Variants in DLG2 observed in about 807,000 individuals in gnomAD.
DLG2 encodes the protein discs large MAGUK scaffold protein 2.
Under a neutral mutation model 132.5 loss-of-function variants are expected in DLG2, and 45 were observed. That is an observed-to-expected ratio of 0.34 (90% CI 0.27 to 0.44). DLG2 has a LOEUF of 0.44. DLG2 is among the 20% of genes least tolerant of loss of function. DLG2 has a pLI of 1.00. For synonymous variants in DLG2, 424 were observed against 419.6 expected, an observed-to-expected ratio of 1.01 and a Z score of -0.13; for missense variants, 1,045 against 1,196.9, an observed-to-expected ratio of 0.87 and a Z score of 1.87.
intron 15 of DLG2, among the ~76,000 whole-genome samples, chr11:83,911,935 T>C (rs2076138424): frequency 6.6e-6 from 1 of 152,036 alleles, no homozygotes; most frequent in African/African-American, 2.4e-5. Context: ...TACAGATAAC[T>C]TGTTAATTCC....
intron 6 of DLG2, among the ~76,000 whole-genome samples, chr11:84,850,224 C>CT (rs2082015264): frequency 6.6e-6 from 1 of 152,096 alleles, no homozygotes; most frequent in Non-Finnish European, 1.5e-5. Context: ...TCATGTACCT[C>CT]TTTTCCAGAC....
chr11:83,613,132 A>G (rs12291743), intron 19 of DLG2, among the ~76,000 whole-genome samples: 30,679 of 152,146 alleles, frequency 0.2, 3,302 homozygotes, highest in African/African-American at 0.24. Context: ...GTAAACAAGA[A>G]CACAGAGGGG....
Position 85,061,505 on chromosome 11 carries a change from A to G in DLG2, c.357+50156T>C, listed in dbSNP as rs911033716. On this transcript the variant is annotated intron_variant, in intron 6 of 27. Transcript: ENST00000376104. ...AAGGCATATCCCTCAGGAGGCAAGT[A>G]TCATATAGTTTGAAGGGATGTGTCA... Among the ~76,000 whole-genome samples the G allele has an allele frequency of 1.2e-4, 18 of 151,828 alleles. 1 individual carries two copies. Among genetic ancestry groups the G allele is most frequent in the African/African-American group, 3.4e-4 (14 of 41,392 alleles).
intron 6 of DLG2, among the ~76,000 whole-genome samples, chr11:84,715,625 T>C (rs2061134723): frequency 6.6e-6 from 1 of 152,152 alleles, no homozygotes; most frequent in South Asian, 2.1e-4. Flanking sequence ...GTCAGCAGCA[T>C]TTTCCTATCT....
At chr11:83,752,859 T>C (rs1473595196) in intron 18 of DLG2, among the ~76,000 whole-genome samples, 2 of 152,136 alleles carry the variant, frequency 1.3e-5, no homozygotes, top group Admixed American at 1.3e-4. Context: ...GGAAAGAAAT[T>C]ACAGATGCAG....
intron 7 of DLG2, among the ~76,000 whole-genome samples, chr11:84,253,554 A>G (rs1056283491): frequency 6.6e-6 from 1 of 152,212 alleles, no homozygotes; most frequent in African/African-American, 2.4e-5. Context: ...TCTCAATGCT[A>G]TGTTGGTGGC....
intron 15 of DLG2, among the ~76,000 whole-genome samples, chr11:83,884,780 G>A (rs1023059085): frequency 4.6e-5 from 7 of 152,104 alleles, no homozygotes; most frequent in Non-Finnish European, 4.4e-5. Context: ...ATCAGCATTC[G>A]CGGTTCACAA....
chr11:83,976,900 C>T (rs2092303165), intron 12 of DLG2, among the ~76,000 whole-genome samples: 1 of 151,808 alleles, frequency 6.6e-6, no homozygotes, highest in African/African-American at 2.4e-5. Context: ...CTCTTAAAAT[C>T]ACAGGAAATA....
intron 10 of DLG2, among the ~76,000 whole-genome samples, chr11:84,073,398 C>A (rs1236487409): frequency 6.6e-6 from 1 of 151,424 alleles, no homozygotes; most frequent in African/African-American, 2.4e-5. Context: ...CACAATTGAT[C>A]ACCAATAATA....
intron 3 of DLG2, among the ~76,000 whole-genome samples, chr11:85,341,145 G>A (rs1486076047): frequency 6.7e-6 from 1 of 149,798 alleles, no homozygotes; most frequent in Non-Finnish European, 1.5e-5. Flanking sequence ...TTGAGACAGA[G>A]CCTCACTCTG....
chr11:83,755,811 A>G (rs1341537135), intron 18 of DLG2, among the ~76,000 whole-genome samples: 1 of 151,392 alleles, frequency 6.6e-6, no homozygotes, highest in Non-Finnish European at 1.5e-5. Context: ...AATTAAGGTT[A>G]AGAGAATACA....
intron 2 of DLG2, among the ~76,000 whole-genome samples, chr11:85,609,242 A>T (rs1287046247): frequency 6.6e-6 from 1 of 152,210 alleles, no homozygotes; most frequent in Non-Finnish European, 1.5e-5. Context: ...CTACGGGGTC[A>T]ATTGATTCTA....
At chr11:83,542,306 G>A (rs1304334995) in intron 19 of DLG2, among the ~76,000 whole-genome samples, 6 of 152,156 alleles carry the variant, frequency 3.9e-5, no homozygotes, top group African/African-American at 1.4e-4. Flanking sequence ...GTATCAGCCT[G>A]TAGAACTGTT....
intron 6 of DLG2, among the ~76,000 whole-genome samples, chr11:84,785,403 A>C (rs372472857): frequency 6.6e-6 from 1 of 152,124 alleles, no homozygotes. Flanking sequence ...AAGACTCCTC[A>C]TGAGTTGTTA....
intron 5 of DLG2, among the ~76,000 whole-genome samples, chr11:85,115,948 A>T (rs1357542411): frequency 6.6e-6 from 1 of 151,970 alleles, no homozygotes; most frequent in African/African-American, 2.4e-5. Flanking sequence ...CAGGAAGTGG[A>T]CATGGAAGGA....
At chr11:85,469,839 C>G (rs2092924718) in intron 3 of DLG2, 1 of 152,174 alleles carries the variant, frequency 6.6e-6, no homozygotes, top group Non-Finnish European at 1.5e-5. Context: ...ATCCTACCAG[C>G]TATCCATCTA....
At chr11:84,867,943 C>T (rs543239866) in intron 6 of DLG2, among the ~76,000 whole-genome samples, 7 of 151,782 alleles carry the variant, frequency 4.6e-5, no homozygotes, top group Admixed American at 1.3e-4. Flanking sequence ...GCGTGGTAGC[C>T]GGCGCCTGCA....
At position 85,087,291 on chromosome 11, in the gene DLG2, T is replaced by TGA. The variant is rs369303105; in HGVS notation, c.357+24368_357+24369dup. Among the ~76,000 whole-genome samples, 328 of 151,738 alleles carry TGA rather than the reference T, an allele frequency of 2.2e-3. 1 individual carries two copies. The highest frequency in any genetic ancestry group is 7.6e-3 in the African/African-American group (316 of 41,364). ...TTAGGAGTATGAGAGAGTGAAACAG[T>TGA]GAGAGAGAGAGAGCCCCTAGGAGGA... On this transcript the variant is annotated intron_variant, in intron 6 of 27. Transcript: ENST00000376104.
At chr11:84,784,568 T>C (rs1165359818) in intron 6 of DLG2, among the ~76,000 whole-genome samples, 1 of 152,018 alleles carries the variant, frequency 6.6e-6, no homozygotes, top group East Asian at 1.9e-4. Flanking sequence ...TCAGATTATT[T>C]TGAAGCAAAA....
Sources: allele counts gnomAD v4.1 joint callset (sites outside exome capture counted in the v4.1 genomes callset), GRCh38; gene constraint gnomAD v4.1.1; transcripts MANE v1.5; gene names NCBI Gene and HGNC (gene_info 2026-07-23, HGNC 2026-07-21).